The following ELL variants were observed in gnomAD, a reference collection of about 807,000 sequenced individuals.
The protein encoded by ELL is elongation factor for RNA polymerase II.
A neutral mutation model predicts 64.0 loss-of-function variants in ELL; 18 were observed. The observed-to-expected ratio is 0.28, with a 90% CI of 0.19 to 0.42. ELL has a LOEUF of 0.42. Ranked by LOEUF, ELL falls within the 10% of genes least tolerant of loss-of-function variation. The pLI, the probability that ELL is intolerant of heterozygous loss-of-function variation, is 1.00. For missense variants in ELL, 797 were observed against 870.4 expected (o/e 0.92, Z 1.06); for synonymous variants, 399 against 376.2 (o/e 1.06, Z -0.70).
intron 1 of ELL, among the ~76,000 whole-genome samples, chr19:18,498,744 G>C (rs1415506600): frequency 6.6e-6 from 1 of 152,210 alleles, no homozygotes; most frequent in Non-Finnish European, 1.5e-5. Flanking sequence ...GAGCTCAGGA[G>C]TTCGAGACCA....
At chr19:18,482,066 GC>G (rs1248707307) in intron 1 of ELL, among the ~76,000 whole-genome samples, 1 of 152,132 alleles carries the variant, frequency 6.6e-6, no homozygotes, top group Non-Finnish European at 1.5e-5. Flanking sequence ...GGTGTGTGGT[GC>G]AGTGACAGCT....
intron 1 of ELL, among the ~76,000 whole-genome samples, chr19:18,476,890 C>T (rs1307143209): frequency 2.6e-5 from 4 of 152,204 alleles, no homozygotes; most frequent in Admixed American, 2.6e-4. Flanking sequence ...GGCACTAAGG[C>T]TAACTCCCGT....
intron 1 of ELL, among the ~76,000 whole-genome samples, chr19:18,511,572 C>T (rs1298932637): frequency 6.6e-6 from 1 of 152,180 alleles, no homozygotes; most frequent in Non-Finnish European, 1.5e-5. Flanking sequence ...CGATGTGGTC[C>T]ATCCACACCA....
chr19:18,471,385 C>A, intron 2 of ELL: 1 of 446,906 alleles, frequency 2.2e-6, no homozygotes, highest in Non-Finnish European at 4.5e-6. Flanking sequence ...AAAAACAAAA[C>A]AAGGCTGGGC....
At chr19:18,477,111 T>C (rs1168217053) in intron 1 of ELL, among the ~76,000 whole-genome samples, 1 of 152,094 alleles carries the variant, frequency 6.6e-6, no homozygotes, top group Non-Finnish European at 1.5e-5. Context: ...TACTGTGAAC[T>C]TGGAATGCTC....
chr19:18,469,052 G>A (rs1975008677), intron 2 of ELL, among the ~76,000 whole-genome samples: 2 of 152,234 alleles, frequency 1.3e-5, no homozygotes, highest in African/African-American at 2.4e-5. Context: ...GGGGCCAGGT[G>A]CAGAGCCCAG....
intron 1 of ELL, among the ~76,000 whole-genome samples, chr19:18,489,948 G>A (rs1194253113): frequency 6.6e-6 from 1 of 152,134 alleles, no homozygotes; most frequent in Non-Finnish European, 1.5e-5. Context: ...GACGCGCACT[G>A]AGCAGAGATA....
intron 1 of ELL, among the ~76,000 whole-genome samples, chr19:18,499,090 T>TAA (rs1234970505): frequency 6.6e-6 from 1 of 152,116 alleles, no homozygotes; most frequent in Non-Finnish European, 1.5e-5. Context: ...GCCTCAGCCT[T>TAA]AAAGCTGAGG....
In ELL at chr19:18,450,861, C is replaced by T. The variant is rs752439924; in HGVS notation, c.1081G>A (p.Gly361Ser). Residue 361 changes from glycine to serine, a missense_variant, in exon 8 of 12, where the codon GGC (glycine) becomes AGC (serine). Physicochemically the swap from Gly to Ser is moderately conservative, Grantham distance 56. Coordinates refer to ENST00000262809, the MANE Select transcript of ELL (RefSeq NM_006532.4). ...AVNGKLGVPNGREALLPTPGP... is the reference protein window; with the variant it reads ...AVNGKLGVPNSREALLPTPGP... Reference sequence around the variant, plus strand: ...GGGGTGGGCAGCAAGGCCTCACGGCCATTGGGCACGCCCAGCTTCCCGTTG... The same window carrying T: ...GGGGTGGGCAGCAAGGCCTCACGGCTATTGGGCACGCCCAGCTTCCCGTTG... 1.9e-6 allele frequency: 3 copies of T among 1,589,320 alleles called. No homozygotes were observed. The highest frequency in any genetic ancestry group is 2.6e-6 in the Non-Finnish European group (3 of 1,165,952).
intron 1 of ELL, among the ~76,000 whole-genome samples, chr19:18,484,971 G>C (rs926279999): frequency 1.3e-5 from 2 of 152,192 alleles, no homozygotes; most frequent in Non-Finnish European, 2.9e-5. Flanking sequence ...ACTGACCTAG[G>C]TCACTGGGGT....
intron 1 of ELL, among the ~76,000 whole-genome samples, chr19:18,512,212 C>T (rs1454122561): frequency 6.6e-6 from 1 of 151,934 alleles, no homozygotes; most frequent in Admixed American, 6.6e-5. Flanking sequence ...GTAGTCCCAA[C>T]TACTGGGGAG....
At chr19:18,499,135 C>T (rs1975727646) in intron 1 of ELL, among the ~76,000 whole-genome samples, 1 of 152,226 alleles carries the variant, frequency 6.6e-6, no homozygotes, top group Non-Finnish European at 1.5e-5. Context: ...CCTCTCCTAG[C>T]TGGAGATCCC....
In ELL at chr19:18,471,931, C is replaced by T. The variant is rs1975072499; in HGVS notation, c.183+904G>A. Among the ~76,000 whole-genome samples the T allele has an allele frequency of 2.6e-5, 4 of 152,108 alleles. No individual in the cohort carries two copies. In the South Asian group the frequency reaches 8.3e-4, roughly 32 times the overall value. On this transcript the variant is annotated intron_variant, in intron 2 of 11. Transcript: ENST00000262809. Reference sequence around the variant, plus strand: ...GCAGCAGTCCCCTACCTTTTTGGCACCAGCGACTAGTTTCGTGGAAGACAA... The same window carrying T: ...GCAGCAGTCCCCTACCTTTTTGGCATCAGCGACTAGTTTCGTGGAAGACAA...
chr19:18,512,881 C>G (rs1683105103), intron 1 of ELL, among the ~76,000 whole-genome samples: 1 of 152,152 alleles, frequency 6.6e-6, no homozygotes, highest in African/African-American at 2.4e-5. Context: ...CCCCAATATG[C>G]AGTTCTCAGC....
intron 1 of ELL, among the ~76,000 whole-genome samples, chr19:18,503,762 C>T (rs1166507913): frequency 1.3e-5 from 2 of 152,196 alleles, no homozygotes; most frequent in Non-Finnish European, 2.9e-5. Context: ...AGAAACACCA[C>T]CCTTCCTTGG....
chr19:18,516,436 T>C (rs1354184721), intron 1 of ELL, among the ~76,000 whole-genome samples: 1 of 152,184 alleles, frequency 6.6e-6, no homozygotes, highest in East Asian at 1.9e-4. Flanking sequence ...TCATTAACGT[T>C]GACCGCCGGT....
At chr19:18,516,965 G>A (rs1976144760) in intron 1 of ELL, among the ~76,000 whole-genome samples, 1 of 152,044 alleles carries the variant, frequency 6.6e-6, no homozygotes, top group South Asian at 2.1e-4. Flanking sequence ...GCACTTCCTG[G>A]GCCCTCATTT....
intron 1 of ELL, among the ~76,000 whole-genome samples, chr19:18,513,707 G>A (rs1248127899): frequency 1.3e-5 from 2 of 151,916 alleles, no homozygotes; most frequent in Non-Finnish European, 2.9e-5. Context: ...TGAGGCGGGC[G>A]GATCACAAGG....
At chr19:18,460,763 C>T (rs1333501388) in intron 5 of ELL, among the ~76,000 whole-genome samples, 1 of 152,216 alleles carries the variant, frequency 6.6e-6, no homozygotes, top group East Asian at 1.9e-4. Flanking sequence ...GATGTGACCC[C>T]GAACATCCCA....
Sources: gnomAD v4.1 joint callset for allele counts (sites outside exome capture counted in the v4.1 genomes callset) on GRCh38, gnomAD v4.1.1 for gene constraint, MANE v1.5 for transcripts, NCBI Gene and HGNC (gene_info 2026-07-23, HGNC 2026-07-21) for gene names.